Variants in ASTE1 observed in about 807,000 individuals in gnomAD.
The protein encoded by ASTE1 is asteroid structure-specific endonuclease 1.
Under a neutral mutation model 45.8 loss-of-function variants are expected in ASTE1, and 49 were observed. The ratio of observed to expected loss-of-function variants is 1.07; its 90% CI spans 0.85 to 1.36. The LOEUF (loss-of-function observed/expected upper bound fraction) is 1.36, where lower values mean the gene tolerates loss of function less well. Ranked by LOEUF, ASTE1 falls within the 40% of genes most tolerant of loss-of-function variation. ASTE1 has a pLI of 0.00. For synonymous variants in ASTE1, 296 were observed against 303.9 expected, an observed-to-expected ratio of 0.97 and a Z score of 0.27; for missense variants, 709 against 804.0, an observed-to-expected ratio of 0.88 and a Z score of 1.43.
intron 4 of ASTE1, chr3:131,017,145 T>C: frequency 2.6e-6 from 2 of 781,152 alleles, no homozygotes; most frequent in Non-Finnish European, 3.7e-6. Flanking sequence ...TTATACTGTA[T>C]TTATTATTCA....
At chr3:131,018,446 C>T (rs1274589473) in intron 4 of ASTE1, 60 bp downstream of exon 4, 5 of 1,510,322 alleles carry the variant, frequency 3.3e-6, no homozygotes, top group Non-Finnish European at 4.6e-6. Context: ...TGTGTAAACT[C>T]GAGTAAACAG....
rs1012161117 is a variant in ASTE1, at chr3:131,023,065, A to C, written c.1302+940T>G. 3.7e-4 allele frequency among the ~76,000 whole-genome samples: 57 copies of C among 152,166 alleles called. 1 individual carries two copies. Among genetic ancestry groups the C allele is most frequent in the African/African-American group, 1.3e-3 (55 of 41,432 alleles). ...ATTGCCAGATGTCCTCTGGGGGACA[A>C]AATCACCAATGGTGATAAAGCTTTG... On this transcript the variant is annotated intron_variant, in intron 3 of 5. Coordinates refer to ENST00000264992, the MANE Select transcript of ASTE1 (RefSeq NM_014065.4).
intron 3 of ASTE1, among the ~76,000 whole-genome samples, chr3:131,023,404 T>C (rs1017926589): frequency 1.1e-4 from 16 of 152,186 alleles, no homozygotes; most frequent in Non-Finnish European, 2.1e-4. Flanking sequence ...TGAGAATTTT[T>C]TTCTCCTTGA....
At chr3:131,018,393 A>G (rs1473670199) in intron 4 of ASTE1, 113 bp downstream of exon 4, 3 of 1,052,586 alleles carry the variant, frequency 2.9e-6, no homozygotes, top group African/African-American at 3.2e-5. Flanking sequence ...CTAAGTTGTG[A>G]TACAATTAAT....
At position 131,016,102 on chromosome 3, in the gene ASTE1, T is replaced by C. The variant is rs1294915592; in HGVS notation, c.1709+42A>G. On this transcript the variant is annotated intron_variant, in intron 5 of 5. Coordinates refer to ENST00000264992, the MANE Select transcript of ASTE1 (RefSeq NM_014065.4). ...ATAAGTGAAAATACTGTATTTACTT[T>C]TGTGTGCTTCCATCTGAACTAAAGT... 7 of 1,605,388 alleles carry C rather than the reference T, an allele frequency of 4.4e-6. 1 individual carries two copies. The highest frequency in any genetic ancestry group is 3.3e-5 in the South Asian group (3 of 90,624).
Position 131,014,329 on chromosome 3 carries a change from C to T in ASTE1, c.1768G>A (p.Val590Ile), listed in dbSNP as rs1199851806. 2 of 1,613,340 alleles carry T rather than the reference C, an allele frequency of 1.2e-6. No individual in the cohort carries two copies. The highest frequency in any genetic ancestry group is 1.7e-6 in the Non-Finnish European group (2 of 1,179,822). The change falls in exon 6 of 6, where the codon GTA (valine) becomes ATA (isoleucine). Residue 590 changes from valine to isoleucine, a missense_variant. Coordinates refer to ENST00000264992, the MANE Select transcript of ASTE1 (RefSeq NM_014065.4). ...LCQQLLASTS[V>I]ESLLSICPEA... Reference sequence around the variant, plus strand: ...GGACATATGCTCAGGAGACTTTCTACAGAGGTCGATGCTAGCAGTTGCTGG... The same window carrying T: ...GGACATATGCTCAGGAGACTTTCTATAGAGGTCGATGCTAGCAGTTGCTGG...
At chr3:131,023,384 C>T (rs953607002) in intron 3 of ASTE1, among the ~76,000 whole-genome samples, 1 of 152,022 alleles carries the variant, frequency 6.6e-6, no homozygotes, top group African/African-American at 2.4e-5. Flanking sequence ...AAAGACAACA[C>T]TGGGATCCAT....
chr3:131,021,222 T>C (rs1253920191), intron 3 of ASTE1, among the ~76,000 whole-genome samples: 4 of 151,996 alleles, frequency 2.6e-5, no homozygotes, highest in African/African-American at 9.7e-5. Flanking sequence ...ATGATAAAAA[T>C]GAGCAAAAAA....
Position 131,016,144 on chromosome 3 carries a change from C to A in ASTE1, c.1709G>T (p.Arg570Leu), listed in dbSNP as rs146481344. ...STPLPEPDLTRLYSGSLVHGL... is the reference protein window; with the variant it reads ...STPLPEPDLTLLYSGSLVHGL... ...AACTAAAGTTTCCCATGGTGCTTAC[C>A]GAGTTAGGTCTGGCTCTGGGAGAGG... The change falls in exon 5 of 6, where the codon CGA (arginine) becomes CTA (leucine). Residue 570 changes from arginine (R) to leucine (L), a missense_variant and splice_region_variant. Transcript: ENST00000264992. The A allele has an allele frequency of 6.2e-7, 1 of 1,613,314 alleles. No individual in the cohort carries two copies. The highest frequency in any genetic ancestry group is 8.5e-7 in the Non-Finnish European group (1 of 1,179,948).
rs765421596 is a variant in ASTE1, at chr3:131,016,132, C to T, written c.1709+12G>A. On this transcript the variant is annotated intron_variant, in intron 5 of 5. Transcript: ENST00000264992. Reference sequence around the variant, plus strand: ...TGCTTCCATCTGAACTAAAGTTTCCCATGGTGCTTACCGAGTTAGGTCTGG... The same window carrying T: ...TGCTTCCATCTGAACTAAAGTTTCCTATGGTGCTTACCGAGTTAGGTCTGG... The T allele has an allele frequency of 1.1e-5, 17 of 1,613,150 alleles. No individual in the cohort carries two copies. The highest frequency in any genetic ancestry group is 1.4e-5 in the Non-Finnish European group (16 of 1,179,940).
chr3:131,020,577 A>G (rs1420214367), intron 3 of ASTE1, among the ~76,000 whole-genome samples: 1 of 152,246 alleles, frequency 6.6e-6, no homozygotes, highest in Admixed American at 6.5e-5. Flanking sequence ...GAGAGACTAT[A>G]AAGTTTTTAT....
intron 3 of ASTE1, among the ~76,000 whole-genome samples, chr3:131,022,806 G>C (rs1560062629): frequency 2.0e-5 from 3 of 152,156 alleles, no homozygotes; most frequent in Non-Finnish European, 4.4e-5. Flanking sequence ...TCCTGTCTGA[G>C]ATGTGACTGA....
Position 131,024,666 on chromosome 3 carries a change from A to G in ASTE1, c.641T>C (p.Leu214Pro). ...CHHFSNMNKA[L>P]LPLFAVLCGN... is the part of the protein sequence containing the mutation. ...ACATAGCACCGCAAAGAGAGGTAGTAGAGCTTTATTCATATTGCTGAAGTG... is the reference window on the plus strand; with the variant it reads ...ACATAGCACCGCAAAGAGAGGTAGTGGAGCTTTATTCATATTGCTGAAGTG... Residue 214 changes from leucine (L) to proline (P), a missense_variant, in exon 3 of 6, where the codon CTA becomes CCA. Leu to Pro is a moderately conservative substitution (Grantham distance 98). Transcript: ENST00000264992. 1.3e-6 allele frequency: 2 copies of G among 1,593,614 alleles called. No homozygotes were observed. The highest frequency in any genetic ancestry group is 2.3e-5 in the South Asian group (2 of 86,704).
At chr3:131,019,132 T>C (rs746666336) in intron 3 of ASTE1, among the ~76,000 whole-genome samples, 1 of 152,262 alleles carries the variant, frequency 6.6e-6, no homozygotes, top group African/African-American at 2.4e-5. Flanking sequence ...GAAACAAAGC[T>C]GTATACTCAA....
chr3:131,025,085 T>C lies in ASTE1; in HGVS notation c.222A>G (p.Pro74=), dbSNP rs144321602. The C allele has an allele frequency of 9.9e-6, 16 of 1,613,754 alleles. No homozygotes were observed. The highest frequency in any genetic ancestry group is 1.3e-5 in the Non-Finnish European group (15 of 1,179,908). ...CACATCCTCCATCTAATACAACATA[T>C]GGGCATATATTACAAGCAAACAGTG... ...FESLFACNIC[P]YVVLDGGCDI... The change falls in exon 3 of 6, where the codon CCA becomes CCG. Residue 74 remains proline (P), a synonymous_variant. Transcript: ENST00000264992.
At chr3:131,014,592 A>T (rs1392649622) in intron 5 of ASTE1, among the ~76,000 whole-genome samples, 1 of 151,992 alleles carries the variant, frequency 6.6e-6, no homozygotes, top group Non-Finnish European at 1.5e-5. Context: ...GGTGATACTT[A>T]AAAACTTTTC....
chr3:131,016,299 A>C lies in ASTE1; in HGVS notation c.1554T>G (p.Tyr518Ter). 1 of 1,614,206 alleles carries C rather than the reference A, an allele frequency of 6.2e-7. No homozygotes were observed. The highest frequency in any genetic ancestry group is 8.5e-7 in the Non-Finnish European group (1 of 1,180,040). ...GCGCCTTCACTCTTTGGAACTCTGC[A>C]TACAACATCTTAGCACCATCTTCCT... ...ELQEDGAKML[Y>*]AEFQRVKAQT... Residue 518 changes from tyrosine to a stop codon, truncating the protein, a stop_gained, in exon 5 of 6, where the codon TAT becomes TAG. Transcript: ENST00000264992. LOFTEE classifies it high-confidence loss of function.
chr3:131,017,502 T>C (rs993629230), intron 4 of ASTE1, among the ~76,000 whole-genome samples: 29 of 152,220 alleles, frequency 1.9e-4, no homozygotes, highest in Non-Finnish European at 3.4e-4. Context: ...GTGTGGCTAG[T>C]AGCCACCATA....
At chr3:131,015,886 G>C (rs2063602032) in intron 5 of ASTE1, 1 of 562,216 alleles carries the variant, frequency 1.8e-6, no homozygotes, top group Non-Finnish European at 3.2e-6. Flanking sequence ...ACATATTAAT[G>C]TATTACTTAA....
Sources: gnomAD v4.1 joint callset for allele counts (sites outside exome capture counted in the v4.1 genomes callset) on GRCh38, gnomAD v4.1.1 for gene constraint, MANE v1.5 for transcripts, NCBI Gene and HGNC (gene_info 2026-07-23, HGNC 2026-07-21) for gene names.